Variants in ATAD2B observed in about 807,000 individuals in gnomAD.
ATAD2B encodes the protein ATPase family AAA domain containing 2B.
ATAD2B carries 40 observed loss-of-function variants against 167.6 expected under a neutral mutation model. The observed-to-expected ratio is 0.24, with a 90% CI of 0.19 to 0.31. The LOEUF (loss-of-function observed/expected upper bound fraction) is 0.31, where lower values mean the gene tolerates loss of function less well. ATAD2B is among the 10% of genes least tolerant of loss of function. The pLI, the probability that ATAD2B is intolerant of heterozygous loss-of-function variation, is 1.00. For synonymous variants in ATAD2B, 579 were observed against 596.5 expected (o/e 0.97, Z 0.43); for missense variants, 1,242 against 1,757.2 (o/e 0.71, Z 5.24).
Position 23,780,260 on chromosome 2 carries a change from T to G in ATAD2B, c.3133+2609A>C, listed in dbSNP as rs1376368763. Among the ~76,000 whole-genome samples the G allele has an allele frequency of 7.3e-5, 9 of 122,530 alleles. No individual in the cohort carries two copies. In the Admixed American group the frequency reaches 8.7e-4, roughly 12 times the overall value. The allele number at this position is 122,530 out of a possible 152,430, so 80.4% of individuals were successfully genotyped here. ...AAGATGCTGTCTCCAAAAAAAAAAG[T>G]ATATACTTGTGTGTGTGTGTGTGTG... On this transcript the variant is annotated intron_variant, in intron 22 of 27. Coordinates refer to ENST00000238789, the MANE Select transcript of ATAD2B (RefSeq NM_017552.4).
At chr2:23,890,977 G>A (rs765970959) in intron 2 of ATAD2B, among the ~76,000 whole-genome samples, 3 of 151,478 alleles carry the variant, frequency 2.0e-5, no homozygotes, top group Non-Finnish European at 2.9e-5. Context: ...AAGGAGACAC[G>A]ACATGAAATA....
intron 2 of ATAD2B, among the ~76,000 whole-genome samples, chr2:23,895,273 G>A (rs1418544804): frequency 6.6e-6 from 1 of 151,982 alleles, no homozygotes; most frequent in Non-Finnish European, 1.5e-5. Flanking sequence ...ACTACCATTT[G>A]GGAGTAAATT....
At chr2:23,773,847 C>A (rs1468011913) in intron 22 of ATAD2B, among the ~76,000 whole-genome samples, 1 of 152,152 alleles carries the variant, frequency 6.6e-6, no homozygotes, top group African/African-American at 2.4e-5. Context: ...CTCTGAGCCC[C>A]CATCTCCTCA....
At chr2:23,729,956 A>G in the ATAD2B span, among the ~76,000 whole-genome samples, 2 of 152,258 alleles carry the variant, frequency 1.3e-5, no homozygotes, top group African/African-American at 2.4e-5. Flanking sequence ...ATACTTGGAG[A>G]TGTCAACACT....
intron 1 of ATAD2B, among the ~76,000 whole-genome samples, chr2:23,925,533 C>T (rs1704614022): frequency 6.6e-6 from 1 of 152,162 alleles, no homozygotes; most frequent in Non-Finnish European, 1.5e-5. Context: ...ACAGCTTTTT[C>T]CAGCCAAATT....
the ATAD2B span, among the ~76,000 whole-genome samples, chr2:23,728,103 T>A: frequency 0.45 from 69,060 of 151,914 alleles, 16,602 homozygotes; most frequent in East Asian, 0.78. Flanking sequence ...TTGTAACAAA[T>A]GCATCACACT....
rs527975278 is a variant in ATAD2B, at chr2:23,795,872, C to T, written c.2640+2266G>A. Among the ~76,000 whole-genome samples the T allele has an allele frequency of 1.4e-4, 21 of 150,390 alleles. No individual in the cohort carries two copies. The East Asian group carries it at 3.9e-3, about 28-fold the overall frequency. ...CCAGCCTGGGTGGCTGAGTGAGACT[C>T]CATCTCAAAAAAAAAAAAGAAAAAA... On this transcript the variant is annotated intron_variant, in intron 19 of 27. Coordinates refer to ENST00000238789, the MANE Select transcript of ATAD2B (RefSeq NM_017552.4).
the ATAD2B span, among the ~76,000 whole-genome samples, chr2:23,732,983 T>G: frequency 6.6e-6 from 1 of 152,182 alleles, no homozygotes; most frequent in African/African-American, 2.4e-5. Flanking sequence ...AGGGTGATAA[T>G]AGTATCTAAT....
At chr2:23,769,712 G>GTTTTTTT (rs1266284550) in intron 22 of ATAD2B, among the ~76,000 whole-genome samples, 2 of 128,044 alleles carry the variant, frequency 1.6e-5, no homozygotes, top group African/African-American at 2.9e-5. Flanking sequence ...CTCACTGTGG[G>GTTTTTTT]TTTTTTTTTT....
chr2:23,741,319 G>C, the ATAD2B span, among the ~76,000 whole-genome samples: 2 of 152,008 alleles, frequency 1.3e-5, no homozygotes, highest in Non-Finnish European at 2.9e-5. Context: ...AAGGCTACAG[G>C]AACCAAAACA....
chr2:23,863,290 G>A, intron 12 of ATAD2B, 91 bp downstream of exon 12: 1 of 1,286,078 alleles, frequency 7.8e-7, no homozygotes, highest in Middle Eastern at 2.1e-4. Flanking sequence ...TCCAGCCTGG[G>A]TAACAGAGAG....
At chr2:23,699,956 A>G in the ATAD2B span, among the ~76,000 whole-genome samples, 1 of 152,164 alleles carries the variant, frequency 6.6e-6, no homozygotes, top group African/African-American at 2.4e-5. Flanking sequence ...GAGAAAATGG[A>G]GCCATCAGTC....
chr2:23,916,075 C>T (rs1246650502), intron 1 of ATAD2B, among the ~76,000 whole-genome samples: 1 of 151,968 alleles, frequency 6.6e-6, no homozygotes, highest in Non-Finnish European at 1.5e-5. Context: ...CCTTCTGTTA[C>T]AATCTCAACC....
chr2:23,918,470 A>T (rs199567694), intron 1 of ATAD2B, among the ~76,000 whole-genome samples: 2 of 152,188 alleles, frequency 1.3e-5, no homozygotes, highest in East Asian at 3.9e-4. Flanking sequence ...CATATATAAT[A>T]TTAAGGAAAA....
chr2:23,717,175 C>T, the ATAD2B span, among the ~76,000 whole-genome samples: 1 of 152,262 alleles, frequency 6.6e-6, no homozygotes, highest in South Asian at 2.1e-4. Flanking sequence ...GCCATTAATA[C>T]CTACGAGACT....
chr2:23,903,512 C>A (rs1486171395), intron 1 of ATAD2B, among the ~76,000 whole-genome samples: 1 of 152,140 alleles, frequency 6.6e-6, no homozygotes, highest in Non-Finnish European at 1.5e-5. Context: ...ACCATTCTCT[C>A]CTTGACTTTT....
chr2:23,901,630 A>G (rs1017684025), intron 1 of ATAD2B, among the ~76,000 whole-genome samples: 3 of 152,192 alleles, frequency 2.0e-5, no homozygotes, highest in Admixed American at 2.0e-4. Flanking sequence ...TTCACAAATT[A>G]TTAATATAAA....
the ATAD2B span, among the ~76,000 whole-genome samples, chr2:23,683,077 A>T: frequency 4.6e-5 from 7 of 152,244 alleles, no homozygotes; most frequent in African/African-American, 1.4e-4. Flanking sequence ...CATTTTACAG[A>T]TGCAGAAGCA....
chr2:23,807,164 G>A (rs1003045032), intron 18 of ATAD2B, among the ~76,000 whole-genome samples: 1 of 152,144 alleles, frequency 6.6e-6, no homozygotes, highest in African/African-American at 2.4e-5. Flanking sequence ...CAGATCATGG[G>A]AGCTGAGAGT....
Sources: gnomAD v4.1 joint callset for allele counts (sites outside exome capture counted in the v4.1 genomes callset) on GRCh38, gnomAD v4.1.1 for gene constraint, MANE v1.5 for transcripts, NCBI Gene and HGNC (gene_info 2026-07-23, HGNC 2026-07-21) for gene names.